Variants in ATF7 observed in about 807,000 individuals in gnomAD.
ATF7 encodes activating transcription factor 7.
Under a neutral mutation model 50.4 loss-of-function variants are expected in ATF7, and 10 were observed. The observed-to-expected ratio is 0.20, with a 90% CI of 0.12 to 0.34. The LOEUF (loss-of-function observed/expected upper bound fraction) is 0.34, where lower values mean the gene tolerates loss of function less well. Ranked by LOEUF, ATF7 falls within the 10% of genes least tolerant of loss-of-function variation. The probability of loss-of-function intolerance (pLI) is 1.00; values close to 1 mark genes in which losing one functional copy is unlikely to be tolerated. For missense variants in ATF7, 465 were observed against 613.9 expected (o/e 0.76, Z 2.56); for synonymous variants, 201 against 226.4 (o/e 0.89, Z 1.01).
chr12:53,567,581 A>C (rs1391684856), intron 2 of ATF7, among the ~76,000 whole-genome samples: 1 of 152,216 alleles, frequency 6.6e-6, no homozygotes, highest in Non-Finnish European at 1.5e-5. Context: ...GATGGCAGCT[A>C]CTTACTTGGA....
At chr12:53,508,232 GC>G (rs979034924), downstream of ATF7, 2 of 149,712 alleles carry the variant, frequency 1.3e-5, no homozygotes. Context: ...CAACCACCAT[GC>G]CCAGCCTGTA....
chr12:53,524,875 T>G lies in ATF7; in HGVS notation c.928-114A>C. On this transcript the variant is annotated intron_variant, in intron 9 of 11. Coordinates refer to ENST00000420353, the MANE Select transcript of ATF7 (RefSeq NM_006856.3). The surrounding 1 kb of genome is among the most constrained non-coding windows in gnomAD (Gnocchi z 4.6). ...GGTAAAAGGATATACCAGCCTCTGG[T>G]AACCACAGCAAGTCTCATTACTATG... The G allele has an allele frequency of 5.9e-6, 6 of 1,013,182 alleles. No individual in the cohort carries two copies. The highest frequency in any genetic ancestry group is 8.4e-6 in the Non-Finnish European group (6 of 717,820). The allele number at this position is 1,013,182 out of a possible 1,614,324, so 62.8% of individuals were successfully genotyped here.
Position 53,595,158 on chromosome 12 carries a change from T to C in ATF7, c.48+5795A>G, listed in dbSNP as rs1046391384. Among the ~76,000 whole-genome samples, 3 of 152,210 alleles carry C rather than the reference T, an allele frequency of 2.0e-5. No individual in the cohort carries two copies. In the East Asian group the frequency reaches 5.8e-4, roughly 29 times the overall value. Reference sequence around the variant, plus strand: ...TGAAATATGAATTATTTAATAAAAATTAGAATTTTAAAAAACTCTTGGCAG... The same window carrying C: ...TGAAATATGAATTATTTAATAAAAACTAGAATTTTAAAAAACTCTTGGCAG... On this transcript the variant is annotated intron_variant, in intron 2 of 11. Transcript: ENST00000420353.
Position 53,517,159 on chromosome 12 carries a change from T to C in ATF7, c.1430A>G (p.Gln477Arg). The C allele has an allele frequency of 6.2e-7, 1 of 1,613,072 alleles. No homozygotes were observed. Among genetic ancestry groups the C allele is most frequent in the Non-Finnish European group, 8.5e-7 (1 of 1,179,896 alleles). Reference sequence around the variant, plus strand: ...GCATCATCTGCCCGCAGACTGGGACTGTGGGGTCATGATTACATGCGATTG... The same window carrying C: ...GCATCATCTGCCCGCAGACTGGGACCGTGGGGTCATGATTACATGCGATTG... ...PIQSHVIMTP[Q>R]SQSAGR The change falls in exon 12 of 12, where the codon CAG (glutamine) becomes CGG (arginine). Residue 477 changes from glutamine to arginine, a missense_variant. Gln to Arg is a conservative substitution (Grantham distance 43). Transcript: ENST00000420353.
At chr12:53,561,017 A>G (rs1565954472) in intron 2 of ATF7, among the ~76,000 whole-genome samples, 1 of 149,068 alleles carries the variant, frequency 6.7e-6, no homozygotes. Context: ...GTGATCTTAG[A>G]TCACTGTAAC....
intron 2 of ATF7, among the ~76,000 whole-genome samples, chr12:53,567,926 A>G (rs1941532851): frequency 6.6e-6 from 1 of 152,222 alleles, no homozygotes; most frequent in Non-Finnish European, 1.5e-5. Context: ...AATTCTTATT[A>G]GGATGTTATG....
chr12:53,621,218 A>C lies in ATF7; in HGVS notation c.-22+5061T>G, dbSNP rs1223290981. On this transcript the variant is annotated intron_variant, in intron 1 of 11. Coordinates refer to ENST00000420353, the MANE Select transcript of ATF7 (RefSeq NM_006856.3). ...TAAAGGTTAGATTATATAAAATGGC[A>C]GGTGGGATTCACAACTGAATTTTAT... Among the ~76,000 whole-genome samples the C allele has an allele frequency of 3.9e-5, 6 of 152,378 alleles. No individual in the cohort carries two copies. In the South Asian group the frequency reaches 8.3e-4, roughly 21 times the overall value.
chr12:53,621,452 A>G (rs7311902), intron 1 of ATF7, among the ~76,000 whole-genome samples: 85,548 of 151,938 alleles, frequency 0.56, 25,005 homozygotes, highest in East Asian at 0.96. Context: ...AAATTAACAA[A>G]ATGATAATTA....
intron 10 of ATF7, 40 bp from the exon 11 acceptor site, chr12:53,523,424 T>G: frequency 7.0e-7 from 1 of 1,435,130 alleles, no homozygotes; most frequent in Non-Finnish European, 9.8e-7. Context: ...AGAAAATTCA[T>G]CCTCTACTCT....
intron 2 of ATF7, chr12:53,574,638 T>G (rs1336980440): frequency 6.4e-6 from 1 of 157,032 alleles, no homozygotes; most frequent in African/African-American, 2.4e-5. Context: ...GCAACAATAT[T>G]CTCATCAAAG....
Position 53,552,597 on chromosome 12 carries a change from T to C in ATF7, c.89A>G (p.Lys30Arg). ...NEDHLAVHKHKHEMTLKFGPA... is the reference protein window; with the variant it reads ...NEDHLAVHKHRHEMTLKFGPA... ...GCCAAATTTCAATGTCATCTCATGC[T>C]TGTGTTTATGAACTGCCAGGTGGTC... Residue 30 changes from lysine (K) to arginine (R), a missense_variant, in exon 3 of 12, where the codon AAG (lysine) becomes AGG (arginine). Transcript: ENST00000420353. 1.2e-6 allele frequency: 2 copies of C among 1,613,978 alleles called. No homozygotes were observed. Among genetic ancestry groups the C allele is most frequent in the Non-Finnish European group, 1.7e-6 (2 of 1,179,864 alleles).
In ATF7 at chr12:53,515,782, G is replaced by C. The variant is rs1432196936; in HGVS notation, c.*1355C>G. 6.6e-6 allele frequency: 1 copy of C among 152,140 alleles called. No homozygotes were observed. The highest frequency in any genetic ancestry group is 1.9e-4 in the East Asian group (1 of 5,192). The allele number at this position is 152,140 out of a possible 1,614,324, so 9.4% of individuals were successfully genotyped here. A position where few individuals can be genotyped will look rare whatever the true frequency, so the allele number is the denominator to read the frequency against. On this transcript the variant is annotated 3_prime_UTR_variant, in exon 12 of 12. Coordinates refer to ENST00000420353, the MANE Select transcript of ATF7 (RefSeq NM_006856.3). ...CTCAAGTAAACCCACTCAGCATCTT[G>C]GCTATGACGCTTCAAGATCCTGGAG... is the stretch of plus-strand genomic sequence containing the variant.
rs1424331510 is a variant in ATF7 at position 53,515,968 on chromosome 12, G to A, written c.*1169C>T. 1 of 152,336 alleles carries A rather than the reference G, an allele frequency of 6.6e-6. No homozygotes were observed. The highest frequency in any genetic ancestry group is 2.4e-5 in the African/African-American group (1 of 41,436). 9.4% of individuals were successfully genotyped at this position (152,336 alleles called of 1,614,324 possible). A position where few individuals can be genotyped will look rare whatever the true frequency, so the allele number is the denominator to read the frequency against. On this transcript the variant is annotated 3_prime_UTR_variant, in exon 12 of 12. Transcript: ENST00000420353. ...AGACTCTAGCTCAGAAAAGCAGACAGATGTGTGAGGGGGAGAGATGGGGTA... is the reference window on the plus strand; with the variant it reads ...AGACTCTAGCTCAGAAAAGCAGACAAATGTGTGAGGGGGAGAGATGGGGTA...
At chr12:53,621,579 C>T (rs557169939) in intron 1 of ATF7, among the ~76,000 whole-genome samples, 4 of 151,428 alleles carry the variant, frequency 2.6e-5, no homozygotes, top group African/African-American at 7.3e-5. Flanking sequence ...GTCAGGAGTT[C>T]GGGACCAGCC....
At chr12:53,577,055 C>CA (rs1592912954) in intron 2 of ATF7, among the ~76,000 whole-genome samples, 1 of 151,430 alleles carries the variant, frequency 6.6e-6, no homozygotes, top group African/African-American at 2.4e-5. Context: ...GAATCTGTCT[C>CA]AAAAAACAAA....
intron 9 of ATF7, among the ~76,000 whole-genome samples, chr12:53,527,497 A>G (rs1938547597): frequency 6.6e-6 from 1 of 151,786 alleles, no homozygotes; most frequent in Admixed American, 6.6e-5. Context: ...ACAAATAAAA[A>G]AAAGATGCTG....
intron 2 of ATF7, among the ~76,000 whole-genome samples, chr12:53,596,445 A>G (rs889222305): frequency 6.6e-6 from 1 of 152,194 alleles, no homozygotes; most frequent in African/African-American, 2.4e-5. Flanking sequence ...AAGGAAATTG[A>G]CATTCTGATA....
intron 2 of ATF7, among the ~76,000 whole-genome samples, chr12:53,558,592 T>A (rs1431961155): frequency 6.6e-6 from 1 of 152,192 alleles, no homozygotes; most frequent in Non-Finnish European, 1.5e-5. Flanking sequence ...GGCACTGTAT[T>A]TGGGAGAACA....
At chr12:53,585,306 T>C (rs1051634036) in intron 2 of ATF7, among the ~76,000 whole-genome samples, 1 of 152,096 alleles carries the variant, frequency 6.6e-6, no homozygotes, top group Non-Finnish European at 1.5e-5. Context: ...CCTACAGAAT[T>C]TGTAATACCA....
Sources: gnomAD v4.1 joint callset for allele counts (sites outside exome capture counted in the v4.1 genomes callset) on GRCh38, gnomAD v4.1.1 for gene constraint, Gnocchi (gnomAD v3.1) non-coding constraint, MANE v1.5 for transcripts, NCBI Gene and HGNC (gene_info 2026-07-23, HGNC 2026-07-21) for gene names.